Variants in PDE11A observed in about 807,000 individuals in gnomAD.
PDE11A encodes the protein dual 3',5'-cyclic-AMP and -GMP phosphodiesterase 11A.
In PDE11A, 100 loss-of-function variants were observed where a neutral mutation model predicts 100.5. The observed-to-expected ratio is 1.00, with a 90% CI of 0.85 to 1.18. The LOEUF is 1.18. Ranked by LOEUF, PDE11A falls within the 50% of genes most tolerant of loss-of-function variation. The probability of loss-of-function intolerance (pLI) is 0.00; values close to 1 mark genes in which losing one functional copy is unlikely to be tolerated. For synonymous variants in PDE11A, 381 were observed against 420.8 expected (o/e 0.91, Z 1.16); for missense variants, 1,141 against 1,152.6 (o/e 0.99, Z 0.15).
Position 177,769,382 on chromosome 2 carries a change from G to A in PDE11A, c.1738-9C>T, listed in dbSNP as rs1335986009. ...GCATGGTATGATAGCACCTGATTCAGAAGAAAAAAAAATAATTTTAATAAC... is the reference window on the plus strand; with the variant it reads ...GCATGGTATGATAGCACCTGATTCAAAAGAAAAAAAAATAATTTTAATAAC... On this transcript the variant is annotated splice_polypyrimidine_tract_variant and intron_variant, in intron 9 of 19. Coordinates refer to ENST00000286063, the MANE Select transcript of PDE11A (RefSeq NM_016953.4). 5 of 1,535,392 alleles carry A rather than the reference G, an allele frequency of 3.3e-6. No individual in the cohort carries two copies. In the African/African-American group the frequency reaches 4.1e-5, roughly 13 times the overall value.
At chr2:177,631,554 T>TGG (rs2079939797) in intron 19 of PDE11A, among the ~76,000 whole-genome samples, 1 of 23,386 alleles carries the variant, frequency 4.3e-5, no homozygotes, top group Non-Finnish European at 7.8e-5. Flanking sequence ...TATACACATG[T>TGG]ATATATATAT....
In PDE11A at chr2:178,072,090, A is replaced by G. The variant is rs535356097; in HGVS notation, c.348T>C (p.Ala116=). 4 of 1,614,080 alleles carry G rather than the reference A, an allele frequency of 2.5e-6. No homozygotes were observed. The highest frequency in any genetic ancestry group is 1.1e-5 in the South Asian group (1 of 91,070). ...AACTCTTCCTTAGCTCTTTCTGAGA[A>G]GCTCTCCGCTGCAGGTTCCCATCGC... ...SRGDGNLQRR[A]SQKELRKSFA... Residue 116 remains alanine, a synonymous_variant, in exon 1 of 20, where the codon GCT becomes GCC. Transcript: ENST00000286063.
intron 1 of PDE11A, among the ~76,000 whole-genome samples, chr2:178,017,226 A>G (rs2086349958): frequency 6.6e-6 from 1 of 152,272 alleles, no homozygotes; most frequent in Non-Finnish European, 1.5e-5. Context: ...ATGTAGAGAC[A>G]TTTTTCCAAA....
At chr2:177,795,973 A>ATATATATATATATATATATATT (rs1553475866) in intron 9 of PDE11A, among the ~76,000 whole-genome samples, 1 of 129,394 alleles carries the variant, frequency 7.7e-6, no homozygotes, top group Non-Finnish European at 1.6e-5. Context: ...ATATATATAT[A>ATATATATATATATATATATATT]TATCTTTGCT....
chr2:177,896,032 G>C (rs767277465), intron 4 of PDE11A, among the ~76,000 whole-genome samples: 23 of 152,100 alleles, frequency 1.5e-4, no homozygotes, highest in Non-Finnish European at 3.2e-4. Context: ...ACTTTGGAGG[G>C]GGATGGGTAA....
intron 4 of PDE11A, among the ~76,000 whole-genome samples, chr2:177,887,824 T>C (rs549792591): frequency 3.9e-5 from 6 of 152,200 alleles, no homozygotes; most frequent in African/African-American, 1.2e-4. Flanking sequence ...AAAAGAAGTT[T>C]CTCTTTCTTC....
chr2:177,724,642 G>A lies in PDE11A; in HGVS notation c.2043+3016C>T, dbSNP rs3770030. On this transcript the variant is annotated intron_variant, in intron 12 of 19. Coordinates refer to ENST00000286063, the MANE Select transcript of PDE11A (RefSeq NM_016953.4). ...TCACTTTAACAGCACGGTATGCAAG[G>A]TGGCAGTCATAAAACAGGCCCATCC... is the stretch of plus-strand genomic sequence containing the variant. Among the ~76,000 whole-genome samples the A allele has an allele frequency of 5.9e-5, 9 of 152,228 alleles. No homozygotes were observed. In the East Asian group the frequency reaches 1.4e-3, roughly 23 times the overall value.
intron 1 of PDE11A, among the ~76,000 whole-genome samples, chr2:178,029,468 C>T (rs1435857334): frequency 6.6e-6 from 1 of 151,374 alleles, no homozygotes; most frequent in Non-Finnish European, 1.5e-5. Flanking sequence ...ATAAAAATAC[C>T]AGGATGATTA....
At chr2:178,024,991 A>T (rs2086461272) in intron 1 of PDE11A, among the ~76,000 whole-genome samples, 1 of 152,234 alleles carries the variant, frequency 6.6e-6, no homozygotes, top group African/African-American at 2.4e-5. Context: ...ATTACACTGC[A>T]TAAAAACAAA....
chr2:177,950,678 G>A (rs1271943177), intron 2 of PDE11A, among the ~76,000 whole-genome samples: 3 of 152,286 alleles, frequency 2.0e-5, no homozygotes, highest in South Asian at 2.1e-4. Flanking sequence ...TTGGGAGGCC[G>A]AGTTGGGCAG....
chr2:177,703,085 C>G (rs571241637), intron 13 of PDE11A, among the ~76,000 whole-genome samples: 1 of 152,148 alleles, frequency 6.6e-6, no homozygotes, highest in Admixed American at 6.5e-5. Context: ...AGAGTAAGTG[C>G]TTTAAAAAAT....
chr2:177,629,564 TAAAACAAAAC>T lies in PDE11A; in HGVS notation c.2647-12_2647-3del. 1 of 1,613,370 alleles carries T rather than the reference TAAAACAAAAC, an allele frequency of 6.2e-7. No homozygotes were observed. The highest frequency in any genetic ancestry group is 8.5e-7 in the Non-Finnish European group (1 of 1,179,520). On this transcript the variant is annotated splice_polypyrimidine_tract_variant and splice_region_variant and intron_variant, in intron 19 of 19. Transcript: ENST00000286063. ...TTTCACGTTGACCTTCACCAGTGCC[TAAAACAAAAC>T]AAAACAAAACACAGGTGGAGGAGAG...
At chr2:177,641,094 C>T (rs1374414770) in intron 19 of PDE11A, among the ~76,000 whole-genome samples, 1 of 152,196 alleles carries the variant, frequency 6.6e-6, no homozygotes, top group African/African-American at 2.4e-5. Flanking sequence ...ATATGGAAGC[C>T]ACCATGGAGC....
At chr2:177,879,217 A>G (rs1007746790) in intron 4 of PDE11A, among the ~76,000 whole-genome samples, 3 of 152,186 alleles carry the variant, frequency 2.0e-5, no homozygotes, top group African/African-American at 7.2e-5. Flanking sequence ...AGAAAAGAAA[A>G]GCTCAATGGT....
chr2:177,675,406 C>T (rs767882943), intron 17 of PDE11A, 49 bp downstream of exon 17: 53 of 1,322,362 alleles, frequency 4.0e-5, no homozygotes, highest in South Asian at 3.1e-4. Context: ...GTCCCCCTTA[C>T]GCCCCCCAGT....
At chr2:177,642,735 G>T (rs2080161702) in intron 19 of PDE11A, among the ~76,000 whole-genome samples, 1 of 152,092 alleles carries the variant, frequency 6.6e-6, no homozygotes, top group Non-Finnish European at 1.5e-5. Context: ...GATATGGTTT[G>T]GCTGTCTCCC....
upstream of PDE11A, among the ~76,000 whole-genome samples, chr2:178,074,974 C>G (rs113054098): frequency 7.2e-5 from 11 of 152,258 alleles, no homozygotes; most frequent in East Asian, 1.7e-3. Context: ...TGCCATTTAT[C>G]TTCACTCTCA....
chr2:177,904,381 T>A (rs2084745650), intron 3 of PDE11A, among the ~76,000 whole-genome samples: 1 of 152,104 alleles, frequency 6.6e-6, no homozygotes, highest in South Asian at 2.1e-4. Flanking sequence ...ATCCAAAAAT[T>A]GTTTCAATTC....
chr2:178,081,170 C>T (rs988946284), intron 2 of PDE11A, among the ~76,000 whole-genome samples: 3 of 152,108 alleles, frequency 2.0e-5, no homozygotes, highest in Admixed American at 2.0e-4. Flanking sequence ...TGAATATACC[C>T]TTGTGCACTG....
Sources: allele counts gnomAD v4.1 joint callset (sites outside exome capture counted in the v4.1 genomes callset), GRCh38; gene constraint gnomAD v4.1.1; transcripts MANE v1.5; gene names NCBI Gene and HGNC (gene_info 2026-07-23, HGNC 2026-07-21).